The following ADARB2 variants were observed in gnomAD, a reference collection of about 807,000 sequenced individuals.
ADARB2 encodes adenosine deaminase RNA specific B2 (inactive), also known as inactive double-stranded RNA-specific editase B2.
ADARB2 carries 25 observed loss-of-function variants against 62.2 expected under a neutral mutation model. The ratio of observed to expected loss-of-function variants is 0.40; its 90% CI spans 0.29 to 0.56. ADARB2 has a LOEUF of 0.56. Among genes scored for constraint, ADARB2 ranks in the 20% least tolerant of loss-of-function variants. The probability of loss-of-function intolerance (pLI) is 0.43; values close to 1 mark genes in which losing one functional copy is unlikely to be tolerated. For missense variants in ADARB2, 1,071 were observed against 1,077.4 expected (o/e 0.99, Z 0.08); for synonymous variants, 572 against 500.8 (o/e 1.14, Z -1.90).
intron 1 of ADARB2, among the ~76,000 whole-genome samples, chr10:1,505,395 T>C (rs1016145010): frequency 2.0e-5 from 3 of 151,982 alleles, no homozygotes; most frequent in African/African-American, 7.2e-5. Flanking sequence ...TTTTTTTTTT[T>C]TGCAACAAAT....
chr10:1,462,413 C>T (rs1228896198), intron 1 of ADARB2, among the ~76,000 whole-genome samples: 1 of 152,278 alleles, frequency 6.6e-6, no homozygotes, highest in Non-Finnish European at 1.5e-5. Context: ...GCCGCCAGGG[C>T]TGCGTCCTAA....
At chr10:1,653,079 C>A (rs1159705476) in intron 1 of ADARB2, among the ~76,000 whole-genome samples, 3 of 152,208 alleles carry the variant, frequency 2.0e-5, no homozygotes, top group African/African-American at 7.2e-5. Flanking sequence ...AGCTTCCCTG[C>A]AAAAGGGTGG....
chr10:1,510,870 T>TCTCTTTCTTTCTTGACG (rs542002602), intron 1 of ADARB2, among the ~76,000 whole-genome samples: 173 of 152,302 alleles, frequency 1.1e-3, no homozygotes, highest in Non-Finnish European at 2.1e-3. Context: ...TCTGTCTCTC[T>TCTCTTTCTTTCTTGACG]CTCTTTCTTT....
At chr10:1,359,997 T>C (rs1452474775) in intron 3 of ADARB2, among the ~76,000 whole-genome samples, 1 of 152,270 alleles carries the variant, frequency 6.6e-6, no homozygotes, top group African/African-American at 2.4e-5. Flanking sequence ...GCTTCCTTCA[T>C]AGGAGCAAGC....
chr10:1,547,837 T>C (rs1259954002), intron 1 of ADARB2, among the ~76,000 whole-genome samples: 1 of 149,876 alleles, frequency 6.7e-6, no homozygotes, highest in Non-Finnish European at 1.5e-5. Context: ...GAGGGGGAGA[T>C]AGGCATTGGT....
chr10:1,209,682 C>G (rs1361630669), intron 7 of ADARB2, among the ~76,000 whole-genome samples: 2 of 150,854 alleles, frequency 1.3e-5, no homozygotes, highest in African/African-American at 4.9e-5. Flanking sequence ...CACATCCACA[C>G]CCACACCATC....
At chr10:1,518,148 G>A (rs980638391) in intron 1 of ADARB2, among the ~76,000 whole-genome samples, 6 of 152,212 alleles carry the variant, frequency 3.9e-5, no homozygotes, top group Non-Finnish European at 8.8e-5. Context: ...AGCAGCGAGA[G>A]CGATGGATCC....
At chr10:1,192,462 A>G (rs1314937377) in intron 8 of ADARB2, among the ~76,000 whole-genome samples, 1 of 152,236 alleles carries the variant, frequency 6.6e-6, no homozygotes, top group African/African-American at 2.4e-5. Context: ...ACTAACTTCT[A>G]AGGCTGTATT....
At chr10:1,207,557 G>A (rs1460968820) in intron 7 of ADARB2, among the ~76,000 whole-genome samples, 1 of 152,142 alleles carries the variant, frequency 6.6e-6, no homozygotes, top group African/African-American at 2.4e-5. Context: ...GTGGCCAAGA[G>A]GAGGCACGAG....
intron 3 of ADARB2, among the ~76,000 whole-genome samples, chr10:1,327,200 A>G (rs1319824092): frequency 9.4e-6 from 1 of 106,122 alleles, no homozygotes; most frequent in Non-Finnish European, 2.0e-5. Flanking sequence ...TCCCCAAGGC[A>G]CAGCGCCTCC....
At chr10:1,320,113 C>T (rs958137946) in intron 3 of ADARB2, among the ~76,000 whole-genome samples, 1 of 152,188 alleles carries the variant, frequency 6.6e-6, no homozygotes, top group Admixed American at 6.5e-5. Flanking sequence ...TGCCTCCATC[C>T]TCAGACTCAC....
intron 1 of ADARB2, among the ~76,000 whole-genome samples, chr10:1,681,069 T>A (rs1422829281): frequency 6.6e-6 from 1 of 152,138 alleles, no homozygotes; most frequent in Admixed American, 6.5e-5. Context: ...GTGGGAAGCG[T>A]CAGGTTTGAA....
chr10:1,363,944 A>G, intron 2 of ADARB2, 27 bp from the exon 3 acceptor site: 6 of 1,424,762 alleles, frequency 4.2e-6, no homozygotes, highest in Non-Finnish European at 4.6e-6. Flanking sequence ...ACCAGTCAGG[A>G]GCCTGGGCGG....
chr10:1,617,501 C>T (rs1300487207), intron 1 of ADARB2, among the ~76,000 whole-genome samples: 10 of 138,304 alleles, frequency 7.2e-5, no homozygotes, highest in South Asian at 2.5e-4. Flanking sequence ...CACTCCACAC[C>T]GCCCTGCTGT....
At chr10:1,373,332 CCA>C (rs756645955) in intron 2 of ADARB2, among the ~76,000 whole-genome samples, 47 of 150,324 alleles carry the variant, frequency 3.1e-4, no homozygotes, top group African/African-American at 4.4e-4. Context: ...ACACACCCAC[CCA>C]CACACACACA....
At chr10:1,350,726 G>T (rs1270113869) in intron 3 of ADARB2, among the ~76,000 whole-genome samples, 2 of 152,088 alleles carry the variant, frequency 1.3e-5, no homozygotes, top group Non-Finnish European at 2.9e-5. Flanking sequence ...AAGGTCAAAA[G>T]GTCATCTTAT....
intron 4 of ADARB2, among the ~76,000 whole-genome samples, chr10:1,263,075 G>C (rs1285825869): frequency 1.5e-5 from 2 of 137,288 alleles, no homozygotes; most frequent in East Asian, 4.4e-4. Flanking sequence ...GGTGGGAATT[G>C]AACAATGAGA....
At chr10:1,511,578 A>G (rs1019095920) in intron 1 of ADARB2, among the ~76,000 whole-genome samples, 2 of 152,130 alleles carry the variant, frequency 1.3e-5, no homozygotes, top group African/African-American at 2.4e-5. Context: ...CCGAGGAAGG[A>G]TTGGCTGAGC....
At chr10:1,275,007 G>A (rs890608214) in intron 3 of ADARB2, among the ~76,000 whole-genome samples, 1 of 152,206 alleles carries the variant, frequency 6.6e-6, no homozygotes, top group African/African-American at 2.4e-5. Context: ...GTGGAGCCTG[G>A]CCACCCACTC....
Sources: gnomAD v4.1 joint callset for allele counts (sites outside exome capture counted in the v4.1 genomes callset) on GRCh38, gnomAD v4.1.1 for gene constraint, MANE v1.5 for transcripts, NCBI Gene and HGNC (gene_info 2026-07-23, HGNC 2026-07-21) for gene names.